WDR3: variants seen among roughly 807,000 people sequenced by gnomAD.
WDR3 encodes WD repeat-containing protein 3.
WDR3 carries 81 observed loss-of-function variants against 123.7 expected under a neutral mutation model. That is an observed-to-expected ratio of 0.65 (90% CI 0.55 to 0.79). The LOEUF (loss-of-function observed/expected upper bound fraction) is 0.79, where lower values mean the gene tolerates loss of function less well. WDR3 is among the 30% of genes least tolerant of loss of function. WDR3 has a pLI of 0.00. For missense variants in WDR3, 1,027 were observed against 1,123.2 expected (o/e 0.91, Z 1.22); for synonymous variants, 390 against 388.8 (o/e 1.00, Z -0.04).
chr1:117,939,725 T>G (rs1405881636), intron 6 of WDR3, among the ~76,000 whole-genome samples, 153 bp downstream of exon 6: 1 of 152,208 alleles, frequency 6.6e-6, no homozygotes, highest in Non-Finnish European at 1.5e-5. Context: ...CTTTTCTTCC[T>G]TATATGCTCA....
Position 117,939,719 on chromosome 1 carries a change from T to C in WDR3, c.675+147T>C, listed in dbSNP as rs1026475010. 40 of 748,872 alleles carry C rather than the reference T, an allele frequency of 5.3e-5. 1 individual carries two copies. The highest frequency in any genetic ancestry group is 7.7e-5 in the Non-Finnish European group (36 of 464,838). 46.4% of individuals were successfully genotyped at this position (748,872 alleles called of 1,614,324 possible). A position where few individuals can be genotyped will look rare whatever the true frequency, so the allele number is the denominator to read the frequency against. On this transcript the variant is annotated intron_variant, in intron 6 of 26. Coordinates refer to ENST00000349139, the MANE Select transcript of WDR3 (RefSeq NM_006784.3). ...AACCTGCAACACTTAAAAAAGCTTTTCTTCCTTATATGCTCATTATCCTTA... is the reference window on the plus strand; with the variant it reads ...AACCTGCAACACTTAAAAAAGCTTTCCTTCCTTATATGCTCATTATCCTTA...
intron 23 of WDR3, 72 bp downstream of exon 23, chr1:117,954,699 G>A: frequency 6.8e-7 from 1 of 1,473,508 alleles, no homozygotes; most frequent in Non-Finnish European, 9.3e-7. Context: ...AGGAAGTAGA[G>A]GCATTATGAT....
In WDR3 at chr1:117,955,295, T is replaced by C; in HGVS notation, c.2410-20T>C. The C allele has an allele frequency of 6.2e-7, 1 of 1,608,444 alleles. No individual in the cohort carries two copies. Among genetic ancestry groups the C allele is most frequent in the Non-Finnish European group, 8.5e-7 (1 of 1,176,310 alleles). On this transcript the variant is annotated intron_variant, in intron 23 of 26. Coordinates refer to ENST00000349139, the MANE Select transcript of WDR3 (RefSeq NM_006784.3). ...AACCAACCAAGAGTATCACTAATGG[T>C]ATTAATCCTTCCTTTATAGCCTTCA...
At chr1:117,950,644 T>C (rs1162333246) in intron 15 of WDR3, among the ~76,000 whole-genome samples, 190 bp from the exon 16 acceptor site, 1 of 151,996 alleles carries the variant, frequency 6.6e-6, no homozygotes, top group Non-Finnish European at 1.5e-5. Flanking sequence ...GCAGTATTCT[T>C]GGCAAGCACA....
In WDR3 at chr1:117,959,162, CAAGAA is replaced by C. The variant is rs909634893; in HGVS notation, c.2677-126_2677-122del. The C allele has an allele frequency of 2.1e-5, 29 of 1,363,688 alleles. No individual in the cohort carries two copies. In the African/African-American group the frequency reaches 4.0e-4, roughly 19 times the overall value. The allele number at this position is 1,363,688 out of a possible 1,614,324, so 84.5% of individuals were successfully genotyped here. On this transcript the variant is annotated intron_variant, in intron 26 of 26. Coordinates refer to ENST00000349139, the MANE Select transcript of WDR3 (RefSeq NM_006784.3). ...AATTAGTAGGAATAGAAAAAACAAA[CAAGAA>C]AAGTTCTTAATGAGGGAAAGATAAG...
chr1:117,938,703 T>TTGCTTCCATCATACCA, intron 5 of WDR3, 145 bp downstream of exon 5: 1 of 651,912 alleles, frequency 1.5e-6, no homozygotes, highest in Non-Finnish European at 2.5e-6. Flanking sequence ...GAGGCTGGTA[T>TTGCTTCCATCATACCA]GATGGAAGCA....
chr1:117,950,538 T>A (rs917197831), intron 15 of WDR3, among the ~76,000 whole-genome samples: 2 of 152,122 alleles, frequency 1.3e-5, no homozygotes, highest in African/African-American at 4.8e-5. Flanking sequence ...GGAAATTTTT[T>A]TGTGAAACAA....
At chr1:117,939,362 T>C (rs1429647659) in intron 5 of WDR3, 115 bp from the exon 6 acceptor site, 35 of 1,071,810 alleles carry the variant, frequency 3.3e-5, no homozygotes, top group Non-Finnish European at 8.3e-6. Context: ...TGCCTTTTCT[T>C]TGCCTTTAAA....
intron 9 of WDR3, among the ~76,000 whole-genome samples, 187 bp from the exon 10 acceptor site, chr1:117,942,250 C>T (rs537579888): frequency 5.9e-5 from 9 of 152,162 alleles, no homozygotes; most frequent in Non-Finnish European, 7.3e-5. Flanking sequence ...TACTTTATGA[C>T]ATTGTAGTGT....
chr1:117,959,231 C>T (rs1367302314), intron 26 of WDR3, 61 bp from the exon 27 acceptor site: 36 of 1,556,754 alleles, frequency 2.3e-5, no homozygotes, highest in Middle Eastern at 3.4e-4. Flanking sequence ...AACTCTCATA[C>T]GCTGCTATAA....
At chr1:117,942,627 T>G in intron 10 of WDR3, 83 bp downstream of exon 10, 4 of 1,239,412 alleles carry the variant, frequency 3.2e-6, no homozygotes, top group Non-Finnish European at 3.5e-6. Context: ...TTGTAAGCTG[T>G]CTGTATGAAT....
intron 11 of WDR3, among the ~76,000 whole-genome samples, chr1:117,944,172 C>T (rs1433946894): frequency 2.0e-5 from 3 of 152,330 alleles, no homozygotes; most frequent in Middle Eastern, 3.4e-3. Context: ...CCCACTGTTT[C>T]ACCAAAACAG....
chr1:117,948,743 A>T (rs1651499724), intron 13 of WDR3, among the ~76,000 whole-genome samples: 1 of 152,044 alleles, frequency 6.6e-6, no homozygotes, highest in Non-Finnish European at 1.5e-5. Flanking sequence ...TTTTTTTGCC[A>T]ATGTTTTGTA....
intron 25 of WDR3, among the ~76,000 whole-genome samples, chr1:117,958,385 G>T (rs113219286): frequency 1.3e-5 from 2 of 152,084 alleles, no homozygotes; most frequent in Non-Finnish European, 2.9e-5. Context: ...ATTGAATTAG[G>T]GTTGCTGGTT....
chr1:117,953,569 G>A (rs556846880), intron 21 of WDR3, 28 bp downstream of exon 21: 153 of 1,599,810 alleles, frequency 9.6e-5, no homozygotes, highest in South Asian at 6.9e-4. Context: ...GTGGTATCTC[G>A]TTTTTTAATA....
rs544220745 is a variant in WDR3, at chr1:117,960,447, T to C, written c.*1000T>C. The stretch of plus-strand genomic sequence containing the variant: ...ATACTATAAGTGTATGTCATCTGTT[T>C]ATAAAATGAATTGTCTGTCTGGATT... On this transcript the variant is annotated 3_prime_UTR_variant, in exon 27 of 27. Coordinates refer to ENST00000349139, the MANE Select transcript of WDR3 (RefSeq NM_006784.3). The C allele has an allele frequency of 6.6e-6, 1 of 152,340 alleles. No individual in the cohort carries two copies. Among genetic ancestry groups the C allele is most frequent in the South Asian group, 2.1e-4 (1 of 4,828 alleles). 9.4% of individuals were successfully genotyped at this position (152,340 alleles called of 1,614,324 possible).
At position 117,955,260 on chromosome 1, in the gene WDR3, C is replaced by A. The variant is rs1292985673; in HGVS notation, c.2410-55C>A. The A allele has an allele frequency of 3.4e-6, 5 of 1,490,354 alleles. No individual in the cohort carries two copies. The Admixed American group carries it at 9.5e-5, about 28-fold the overall frequency. The allele number at this position is 1,490,354 out of a possible 1,614,324, so 92.3% of individuals were successfully genotyped here. A position where few individuals can be genotyped will look rare whatever the true frequency, so the allele number is the denominator to read the frequency against. ...TTTATAGGAGATAGAAATTAGAGAA[C>A]TTTAGTAGAAACCAACCAAGAGTAT... On this transcript the variant is annotated intron_variant, in intron 23 of 26. Transcript: ENST00000349139.
intron 12 of WDR3, 136 bp from the exon 13 acceptor site, chr1:117,948,269 A>C (rs1651478313): frequency 1.5e-6 from 1 of 665,690 alleles, no homozygotes; most frequent in Non-Finnish European, 2.6e-6. Flanking sequence ...AGAACATGGA[A>C]TGTGGGATCC....
intron 20 of WDR3, 102 bp downstream of exon 20, chr1:117,953,098 T>C: frequency 7.4e-7 from 1 of 1,345,672 alleles, no homozygotes; most frequent in Non-Finnish European, 1.0e-6. Context: ...AAATTGAGGC[T>C]AGAAGTTGCA....
Sources: gnomAD v4.1 joint callset for allele counts (sites outside exome capture counted in the v4.1 genomes callset) on GRCh38, gnomAD v4.1.1 for gene constraint, MANE v1.5 for transcripts, NCBI Gene and HGNC (gene_info 2026-07-23, HGNC 2026-07-21) for gene names.